ANKRD12: variants seen among roughly 807,000 people sequenced by gnomAD.
ANKRD12 encodes ankyrin repeat domain 12, also known as ankyrin repeat domain-containing protein 12.
ANKRD12 carries 85 observed loss-of-function variants against 183.4 expected under a neutral mutation model. The ratio of observed to expected loss-of-function variants is 0.46; its 90% CI spans 0.39 to 0.56. The LOEUF (loss-of-function observed/expected upper bound fraction) is 0.56, where lower values mean the gene tolerates loss of function less well. Among genes scored for constraint, ANKRD12 ranks in the 20% least tolerant of loss-of-function variants. The pLI is 0.00. For missense variants in ANKRD12, 2,405 were observed against 2,357.1 expected, an observed-to-expected ratio of 1.02 and a Z score of -0.42; for synonymous variants, 914 against 800.2, an observed-to-expected ratio of 1.14 and a Z score of -2.40.
chr18:9,221,712 G>A lies in ANKRD12; in HGVS notation c.796-140G>A, dbSNP rs529622791. On this transcript the variant is annotated intron_variant, in intron 7 of 12. Transcript: ENST00000262126. ...GAAAATGGATCTTGAAGAGAATAAC[G>A]ATTTAGAGTAGATGGTGAGGAATGG... 19 of 796,048 alleles carry A rather than the reference G, an allele frequency of 2.4e-5. No individual in the cohort carries two copies. The South Asian group carries it at 4.4e-4, about 18-fold the overall frequency. 49.3% of individuals were successfully genotyped at this position (796,048 alleles called of 1,614,324 possible). A position where few individuals can be genotyped will look rare whatever the true frequency, so the allele number is the denominator to read the frequency against.
rs1174477930 is a variant in ANKRD12 at position 9,136,833 on chromosome 18, G to T, written c.-184G>T. 3 of 152,264 alleles carry T rather than the reference G, an allele frequency of 2.0e-5. No homozygotes were observed. The highest frequency in any genetic ancestry group is 4.4e-5 in the Non-Finnish European group (3 of 68,078). 9.4% of individuals were successfully genotyped at this position (152,264 alleles called of 1,614,324 possible). The stretch of plus-strand genomic sequence containing the variant: ...GAGGCTGTGGTGAGAGACGGACCGA[G>T]ACCGGAGATGTTTTCAAGCCCGGCT... On this transcript the variant is annotated 5_prime_UTR_variant, in exon 1 of 13. Transcript: ENST00000262126.
chr18:9,147,409 C>T (rs2078527741), intron 1 of ANKRD12, among the ~76,000 whole-genome samples: 1 of 151,484 alleles, frequency 6.6e-6, no homozygotes, highest in Non-Finnish European at 1.5e-5. Flanking sequence ...CTGCAATAGC[C>T]TATCTTTTGT....
intron 7 of ANKRD12, 24 bp downstream of exon 7, chr18:9,216,924 A>G (rs555602158): frequency 1.7e-5 from 28 of 1,605,048 alleles, no homozygotes; most frequent in Admixed American, 1.7e-4. Flanking sequence ...AAAAAAATCA[A>G]TAATACACAT....
intron 1 of ANKRD12, among the ~76,000 whole-genome samples, chr18:9,167,492 G>A (rs983801188): frequency 1.3e-5 from 2 of 152,176 alleles, no homozygotes; most frequent in South Asian, 2.1e-4. Context: ...GTGAATGGGA[G>A]TTCACTCATG....
rs184531946 is a variant in ANKRD12 at position 9,280,421 on chromosome 18, G to A, written c.6004-520G>A. On this transcript the variant is annotated intron_variant, in intron 12 of 12. Coordinates refer to ENST00000262126, the MANE Select transcript of ANKRD12 (RefSeq NM_015208.5). ...TCCGTGACCCGGGGGTTGGGGACCCGTGCTGTATAAGGTGAAAATGAAGTT... is the reference window on the plus strand; with the variant it reads ...TCCGTGACCCGGGGGTTGGGGACCCATGCTGTATAAGGTGAAAATGAAGTT... Among the ~76,000 whole-genome samples, 12 of 152,300 alleles carry A rather than the reference G, an allele frequency of 7.9e-5. No homozygotes were observed. The East Asian group carries it at 1.3e-3, about 17-fold the overall frequency.
intron 1 of ANKRD12, chr18:9,137,502 G>A (rs1340057544): frequency 6.8e-6 from 1 of 146,720 alleles, no homozygotes; most frequent in African/African-American, 2.4e-5. Flanking sequence ...GGGCGCGCCC[G>A]GCCCGCCGCG....
At chr18:9,212,815 T>C (rs1478232281) in intron 6 of ANKRD12, among the ~76,000 whole-genome samples, 1 of 151,844 alleles carries the variant, frequency 6.6e-6, no homozygotes, top group African/African-American at 2.4e-5. Context: ...ATGAAAAAAA[T>C]CTTAATTTGG....
intron 11 of ANKRD12, among the ~76,000 whole-genome samples, chr18:9,276,711 T>C (rs2039854650): frequency 6.8e-6 from 1 of 147,444 alleles, no homozygotes; most frequent in African/African-American, 2.5e-5. Flanking sequence ...GGACCCTGTC[T>C]CAAAAAAAAA....
intron 5 of ANKRD12, among the ~76,000 whole-genome samples, chr18:9,210,680 C>A (rs1451588741): frequency 6.9e-6 from 1 of 144,232 alleles, no homozygotes; most frequent in African/African-American, 2.6e-5. Context: ...GAGCCTAGAT[C>A]AAACTACCAC....
At chr18:9,161,108 G>T (rs750123165) in intron 1 of ANKRD12, among the ~76,000 whole-genome samples, 1 of 151,720 alleles carries the variant, frequency 6.6e-6, no homozygotes, top group Non-Finnish European at 1.5e-5. Context: ...GTGTGTGTGT[G>T]TTGTTGTTGT....
At chr18:9,247,777 G>T (rs2038049646) in intron 8 of ANKRD12, among the ~76,000 whole-genome samples, 1 of 150,728 alleles carries the variant, frequency 6.6e-6, no homozygotes, top group Non-Finnish European at 1.5e-5. Flanking sequence ...CATAGTTTTG[G>T]GGTTTTTTTG....
rs777880446 is a variant in ANKRD12 at position 9,256,444 on chromosome 18, A to G, written c.3177A>G (p.Ala1059=). 23 of 1,613,508 alleles carry G rather than the reference A, an allele frequency of 1.4e-5. No homozygotes were observed. In the Admixed American group the frequency reaches 3.5e-4, roughly 25 times the overall value. ...ADKPKPKSSP[A]SKDTRPKEKR... is the part of the protein sequence containing the mutation. ...AGCCTAAACCTAAGTCATCACCAGC[A>G]TCAAAAGATACCCGACCTAAAGAAA... Residue 1059 remains alanine (A), a synonymous_variant, in exon 9 of 13, where the codon GCA becomes GCG. Transcript: ENST00000262126.
intron 10 of ANKRD12, among the ~76,000 whole-genome samples, chr18:9,273,038 C>T (rs1262329082): frequency 6.6e-6 from 1 of 152,032 alleles, no homozygotes; most frequent in Non-Finnish European, 1.5e-5. Flanking sequence ...CATACAGGGC[C>T]AATAAAATGA....
At chr18:9,235,909 G>A in intron 8 of ANKRD12, 1 of 265,752 alleles carries the variant, frequency 3.8e-6, no homozygotes, top group Non-Finnish European at 7.8e-6. Flanking sequence ...AGAAAACTCA[G>A]GTAAGATAAA....
At chr18:9,221,773 T>C in intron 7 of ANKRD12, 79 bp from the exon 8 acceptor site, 1 of 1,417,386 alleles carries the variant, frequency 7.1e-7, no homozygotes, top group Non-Finnish European at 9.7e-7. Context: ...AGAAGGATAC[T>C]ATGAGTATTA....
intron 2 of ANKRD12, among the ~76,000 whole-genome samples, chr18:9,190,394 T>G (rs1182259007): frequency 6.6e-6 from 1 of 152,232 alleles, no homozygotes; most frequent in African/African-American, 2.4e-5. Context: ...TTTCTTGAGA[T>G]GGAATCTACT....
At chr18:9,188,190 C>T (rs180822560) in intron 2 of ANKRD12, among the ~76,000 whole-genome samples, 12 of 152,186 alleles carry the variant, frequency 7.9e-5, no homozygotes, top group African/African-American at 1.2e-4. Flanking sequence ...CCCTGAGCCT[C>T]GCTTCTCACA....
intron 2 of ANKRD12, 33 bp downstream of exon 2, chr18:9,182,552 T>A (rs2033774672): frequency 4.2e-6 from 6 of 1,430,518 alleles, no homozygotes; most frequent in Non-Finnish European, 5.7e-6. Flanking sequence ...TGTTGACTTT[T>A]TGAACTGGGA....
At chr18:9,260,963 C>T (rs977852930) in intron 9 of ANKRD12, among the ~76,000 whole-genome samples, 11 of 152,158 alleles carry the variant, frequency 7.2e-5, no homozygotes, top group African/African-American at 2.7e-4. Flanking sequence ...TTCTCCTTTC[C>T]TGTTCCCTCC....
Sources: gnomAD v4.1 joint callset for allele counts (sites outside exome capture counted in the v4.1 genomes callset) on GRCh38, gnomAD v4.1.1 for gene constraint, MANE v1.5 for transcripts, NCBI Gene and HGNC (gene_info 2026-07-23, HGNC 2026-07-21) for gene names.